RMDN2: variants seen among roughly 807,000 people sequenced by gnomAD.
RMDN2 encodes the protein regulator of microtubule dynamics protein 2.
In RMDN2, 61 loss-of-function variants were observed where a neutral mutation model predicts 52.8. That is an observed-to-expected ratio of 1.16 (90% CI 0.94 to 1.43). The LOEUF is 1.43. RMDN2 is among the 40% of genes most tolerant of loss of function. The pLI is 0.00. For synonymous variants in RMDN2, 180 were observed against 153.1 expected, an observed-to-expected ratio of 1.18 and a Z score of -1.30; for missense variants, 592 against 475.3, an observed-to-expected ratio of 1.25 and a Z score of -2.28.
At chr2:37,994,921 G>A (rs1467873238) in intron 7 of RMDN2, among the ~76,000 whole-genome samples, 1 of 152,112 alleles carries the variant, frequency 6.6e-6, no homozygotes, top group African/African-American at 2.4e-5. Flanking sequence ...CTACCTAATT[G>A]CATTGATATG....
At chr2:37,949,607 C>T (rs1461978941) in intron 2 of RMDN2, among the ~76,000 whole-genome samples, 1 of 152,134 alleles carries the variant, frequency 6.6e-6, no homozygotes, top group African/African-American at 2.4e-5. Context: ...AATCAAATTA[C>T]AAATCCGACC....
chr2:38,020,504 G>A (rs927143654), downstream of RMDN2, among the ~76,000 whole-genome samples: 18 of 152,250 alleles, frequency 1.2e-4, no homozygotes, highest in African/African-American at 4.3e-4. Flanking sequence ...CCTGCGGGGA[G>A]GTGTGCAGGG....
At chr2:37,997,336 C>T (rs1283050856) in intron 7 of RMDN2, 80 bp from the exon 8 acceptor site, 1 of 856,476 alleles carries the variant, frequency 1.2e-6, no homozygotes, top group Non-Finnish European at 2.0e-6. Flanking sequence ...ACACATAACA[C>T]ACACACGTCT....
chr2:37,938,743 C>A (rs1667529002), intron 2 of RMDN2, among the ~76,000 whole-genome samples: 1 of 151,934 alleles, frequency 6.6e-6, no homozygotes, highest in Non-Finnish European at 1.5e-5. Context: ...TGGTGATCTC[C>A]CCTTTATCAT....
chr2:38,034,506 A>T (rs1680442257), intron 10 of RMDN2, among the ~76,000 whole-genome samples: 1 of 152,204 alleles, frequency 6.6e-6, no homozygotes, highest in East Asian at 1.9e-4. Context: ...ACCAACTGAT[A>T]AGATAAACAG....
chr2:37,951,877 A>G (rs375006700), intron 2 of RMDN2: 3 of 1,613,314 alleles, frequency 1.9e-6, no homozygotes, highest in African/African-American at 1.3e-5. Context: ...CTTGCAAGTG[A>G]TATTTCCTCT....
intron 7 of RMDN2, among the ~76,000 whole-genome samples, chr2:37,992,341 C>G (rs957253000): frequency 6.6e-6 from 1 of 152,192 alleles, no homozygotes; most frequent in African/African-American, 2.4e-5. Flanking sequence ...ATCTGTTTTT[C>G]TCTTTTTTTC....
At chr2:38,014,606 A>T (rs989303069) in intron 10 of RMDN2, among the ~76,000 whole-genome samples, 2 of 152,236 alleles carry the variant, frequency 1.3e-5, no homozygotes, top group African/African-American at 4.8e-5. Context: ...TTTAATGTAA[A>T]TAAGTCTCTC....
intron 2 of RMDN2, among the ~76,000 whole-genome samples, chr2:37,950,778 A>G (rs1481447359): frequency 1.3e-5 from 2 of 152,186 alleles, no homozygotes; most frequent in African/African-American, 4.8e-5. Context: ...TTAAAATACA[A>G]TTAGTCAACA....
At chr2:38,028,922 C>A (rs1426784893) in intron 10 of RMDN2, among the ~76,000 whole-genome samples, 2 of 152,138 alleles carry the variant, frequency 1.3e-5, no homozygotes, top group South Asian at 2.1e-4. Flanking sequence ...TCCTGACCAT[C>A]CCCAGAGTCA....
chr2:37,951,301 A>G, intron 2 of RMDN2: 1 of 1,612,662 alleles, frequency 6.2e-7, no homozygotes, highest in Non-Finnish European at 8.5e-7. Flanking sequence ...GACGCCCAGC[A>G]TCGTGGAGCC....
intron 2 of RMDN2, chr2:37,952,237 CT>C: frequency 6.2e-7 from 1 of 1,600,022 alleles, no homozygotes; most frequent in Non-Finnish European, 8.5e-7. Context: ...AGAAGGGCAC[CT>C]CAAATAGTTT....
intron 5 of RMDN2, among the ~76,000 whole-genome samples, chr2:37,983,550 CA>C (rs1673607221): frequency 6.6e-6 from 1 of 152,072 alleles, no homozygotes; most frequent in Non-Finnish European, 1.5e-5. Context: ...TAAAATTAAT[CA>C]GTTGATTAAG....
chr2:37,940,096 G>A (rs1190928753), intron 2 of RMDN2, among the ~76,000 whole-genome samples: 1 of 152,144 alleles, frequency 6.6e-6, no homozygotes, highest in East Asian at 1.9e-4. Flanking sequence ...AAATCCCTCA[G>A]CATTTGCTTG....
At chr2:37,975,709 AG>A (rs1672380261) in intron 4 of RMDN2, among the ~76,000 whole-genome samples, 1 of 152,214 alleles carries the variant, frequency 6.6e-6, no homozygotes, top group South Asian at 2.1e-4. Context: ...ATAAAAAAAA[AG>A]ATCTATAGTA....
At chr2:37,971,043 G>C (rs1265645148) in intron 2 of RMDN2, among the ~76,000 whole-genome samples, 1 of 151,890 alleles carries the variant, frequency 6.6e-6, no homozygotes, top group East Asian at 1.9e-4. Context: ...AAGCACCTAA[G>C]TTTTTCATTT....
At chr2:38,021,090 G>C (rs1025161307), downstream of RMDN2, among the ~76,000 whole-genome samples, 3 of 152,142 alleles carry the variant, frequency 2.0e-5, no homozygotes, top group African/African-American at 7.2e-5. Flanking sequence ...CCTGTGTCTA[G>C]CTCAGGGTTT....
intron 10 of RMDN2, among the ~76,000 whole-genome samples, chr2:38,065,288 A>G (rs999049073): frequency 2.0e-5 from 3 of 152,204 alleles, no homozygotes; most frequent in Non-Finnish European, 2.9e-5. Context: ...TTGCTGGAAC[A>G]CGCAAACAAA....
chr2:37,950,354 A>G (rs1047665361), intron 2 of RMDN2: 1 of 1,244,618 alleles, frequency 8.0e-7, no homozygotes, highest in Non-Finnish European at 1.1e-6. Flanking sequence ...AGCCATGTGA[A>G]TTCCAACTTC....
Sources: allele counts gnomAD v4.1 joint callset (sites outside exome capture counted in the v4.1 genomes callset), GRCh38; gene constraint gnomAD v4.1.1; transcripts MANE v1.5; gene names NCBI Gene and HGNC (gene_info 2026-07-23, HGNC 2026-07-21).